The following ZBTB17 variants were observed in gnomAD, a reference collection of about 807,000 sequenced individuals.
ZBTB17 encodes zinc finger and BTB domain-containing protein 17.
In ZBTB17, 24 loss-of-function variants were observed where a neutral mutation model predicts 85.1. The observed-to-expected ratio is 0.28, with a 90% CI of 0.20 to 0.40. The LOEUF is 0.40. Ranked by LOEUF, ZBTB17 falls within the 10% of genes least tolerant of loss-of-function variation. ZBTB17 has a pLI of 1.00. For missense variants in ZBTB17, 743 were observed against 1,105.1 expected, an observed-to-expected ratio of 0.67 and a Z score of 4.65; for synonymous variants, 464 against 460.2, an observed-to-expected ratio of 1.01 and a Z score of -0.11.
intron 2 of ZBTB17, among the ~76,000 whole-genome samples, chr1:15,950,563 G>A (rs2071796455): frequency 6.6e-6 from 1 of 152,182 alleles, no homozygotes; most frequent in Admixed American, 6.5e-5. Flanking sequence ...GCCCACACAG[G>A]GCAAAATCCT....
At chr1:15,969,099 C>G (rs914560192) in intron 2 of ZBTB17, among the ~76,000 whole-genome samples, 1 of 152,186 alleles carries the variant, frequency 6.6e-6, no homozygotes. Flanking sequence ...CCTGTCAGAT[C>G]AGCAGCAGCA....
intron 2 of ZBTB17, among the ~76,000 whole-genome samples, chr1:15,963,246 G>A (rs1365070301): frequency 6.6e-6 from 1 of 152,102 alleles, no homozygotes; most frequent in African/African-American, 2.4e-5. Flanking sequence ...AAGGTGCCCT[G>A]GCCAATTCTC....
In ZBTB17 at chr1:15,947,086, C is replaced by G. The variant is rs1570120799; in HGVS notation, c.243G>C (p.Lys81Asn). 1 of 1,613,908 alleles carries G rather than the reference C, an allele frequency of 6.2e-7. No individual in the cohort carries two copies. The highest frequency in any genetic ancestry group is 2.2e-5 in the East Asian group (1 of 44,886). The change falls in exon 4 of 16, where the codon AAG becomes AAC. Residue 81 changes from lysine (K) to asparagine (N), a missense_variant. Lys to Asn is a moderately conservative substitution (Grantham distance 94). Transcript: ENST00000375743. ...CCACGTTCTCAGGGCTCAGGCTCAG[C>G]TTGGCCGTGTACATAAACTCCAGCA... Reference protein sequence around the residue: ...GQVLEFMYTAKLSLSPENVDD... With the variant: ...GQVLEFMYTANLSLSPENVDD...
At chr1:15,965,669 A>G (rs2072418078) in intron 2 of ZBTB17, among the ~76,000 whole-genome samples, 1 of 152,234 alleles carries the variant, frequency 6.6e-6, no homozygotes, top group African/African-American at 2.4e-5. Context: ...AACAACCCAA[A>G]TGTCCACCAG....
chr1:15,945,582 A>G (rs978712050), intron 6 of ZBTB17, 133 bp downstream of exon 6: 24 of 1,333,714 alleles, frequency 1.8e-5, no homozygotes, highest in Non-Finnish European at 2.4e-5. Context: ...AAGGTGTCCC[A>G]AAGCTGAAGT....
chr1:15,969,909 G>A (rs2072583356), intron 2 of ZBTB17: 1 of 638,396 alleles, frequency 1.6e-6, no homozygotes, highest in Non-Finnish European at 2.9e-6. Context: ...TAGGACTCTG[G>A]AGTCAGGTGT....
chr1:15,949,726 C>G (rs531890420), intron 2 of ZBTB17, among the ~76,000 whole-genome samples: 1 of 152,368 alleles, frequency 6.6e-6, no homozygotes, highest in South Asian at 2.1e-4. Context: ...AGCTCTGAAG[C>G]TGCTGTGGCC....
intron 2 of ZBTB17, among the ~76,000 whole-genome samples, chr1:15,971,899 T>TA (rs59695916): frequency 1.3e-5 from 2 of 151,138 alleles, no homozygotes; most frequent in Non-Finnish European, 3.0e-5. Flanking sequence ...TTTTTTTTTT[T>TA]AACTCTTTGG....
chr1:15,949,380 C>T (rs547149389), intron 2 of ZBTB17, among the ~76,000 whole-genome samples: 1 of 152,328 alleles, frequency 6.6e-6, no homozygotes, highest in East Asian at 1.9e-4. Flanking sequence ...TCAACATCAG[C>T]AATTGTCTAG....
chr1:15,973,634 T>C lies in ZBTB17; in HGVS notation c.-89-509A>G, dbSNP rs1471386156. On this transcript the variant is annotated intron_variant, in intron 1 of 15. Transcript: ENST00000375743. This position sits in a 1 kb window ranked among gnomAD's most constrained non-coding sequence, Gnocchi z 4.1. ...CCTCCCCCAGATCTGCTCCCCGTAC[T>C]GCTCCCTATCACATGGAGCAGCATC... 1.3e-5 allele frequency among the ~76,000 whole-genome samples: 2 copies of C among 152,188 alleles called. No individual in the cohort carries two copies. Among genetic ancestry groups the C allele is most frequent in the Admixed American group, 6.5e-5 (1 of 15,278 alleles).
intron 1 of ZBTB17, among the ~76,000 whole-genome samples, chr1:15,975,693 G>A (rs1557803774): frequency 2.6e-5 from 4 of 152,106 alleles, no homozygotes. Flanking sequence ...CGGCGGGGGC[G>A]GAGATGCTAC....
intron 9 of ZBTB17, 184 bp from the exon 10 acceptor site, chr1:15,944,079 T>G: frequency 1.0e-6 from 1 of 986,854 alleles, no homozygotes; most frequent in Non-Finnish European, 1.6e-6. Flanking sequence ...CCCACCCCAT[T>G]TTTTCAGGAC....
At chr1:15,958,363 T>C (rs1570166565) in intron 2 of ZBTB17, among the ~76,000 whole-genome samples, 1 of 135,136 alleles carries the variant, frequency 7.4e-6, no homozygotes, top group Non-Finnish European at 1.5e-5. Flanking sequence ...GCCAAAGCCT[T>C]GGGAAGGCGG....
At chr1:15,968,114 G>C (rs2148811687) in intron 2 of ZBTB17, among the ~76,000 whole-genome samples, 1 of 152,256 alleles carries the variant, frequency 6.6e-6, no homozygotes, top group African/African-American at 2.4e-5. Context: ...GAAGTGTCAA[G>C]GTTGAGAAAC....
intron 3 of ZBTB17, chr1:15,947,378 A>T: frequency 2.0e-6 from 1 of 498,136 alleles, no homozygotes; most frequent in Non-Finnish European, 3.6e-6. Flanking sequence ...GTGAACGCCC[A>T]CCCTGCACAG....
intron 2 of ZBTB17, among the ~76,000 whole-genome samples, chr1:15,961,215 T>A (rs908415199): frequency 6.6e-6 from 1 of 152,236 alleles, no homozygotes; most frequent in Non-Finnish European, 1.5e-5. Flanking sequence ...GTGTGACAAT[T>A]AAAATGAGGC....
Position 15,946,210 on chromosome 1 carries a change from C to T in ZBTB17, c.479G>A (p.Gly160Asp). ...CTCCTCCTTGAGGTCCCTGCTGGGGCCTATGGGTGTGCTGCGTCCTGCCTG... is the reference window on the plus strand; with the variant it reads ...CTCCTCCTTGAGGTCCCTGCTGGGGTCTATGGGTGTGCTGCGTCCTGCCTG... ...LEQAGRSTPI[G>D]PSRDLKEERG... is the part of the protein sequence containing the mutation. The change falls in exon 5 of 16, where the codon GGC becomes GAC. Residue 160 changes from glycine (G) to aspartate (D), a missense_variant. Physicochemically the swap from Gly to Asp is moderately conservative, Grantham distance 94. This residue lies in a region of ZBTB17 where 279 missense variants were observed against 269.9 expected (regional missense o/e 1.03). Coordinates refer to ENST00000375743, the MANE Select transcript of ZBTB17 (RefSeq NM_003443.3). 1 of 1,613,254 alleles carries T rather than the reference C, an allele frequency of 6.2e-7. No individual in the cohort carries two copies. Among genetic ancestry groups the T allele is most frequent in the East Asian group, 2.2e-5 (1 of 44,884 alleles).
At chr1:15,946,501 A>G (rs982477481) in intron 4 of ZBTB17, among the ~76,000 whole-genome samples, 1 of 152,220 alleles carries the variant, frequency 6.6e-6, no homozygotes, top group Admixed American at 6.5e-5. Flanking sequence ...TACAACAGTG[A>G]TGGTTCCTGC....
At position 15,952,121 on chromosome 1, in the gene ZBTB17, A is replaced by G. The variant is rs2071877998; in HGVS notation, c.-2-3624T>C. Among the ~76,000 whole-genome samples, 1 of 152,172 alleles carries G rather than the reference A, an allele frequency of 6.6e-6. No homozygotes were observed. The highest frequency in any genetic ancestry group is 2.4e-5 in the African/African-American group (1 of 41,434). On this transcript the variant is annotated intron_variant, in intron 2 of 15. Transcript: ENST00000375743. This position sits in a 1 kb window ranked among gnomAD's most constrained non-coding sequence, Gnocchi z 4.3. ...TCCTAAAACCTTAGAACCATAGAAA[A>G]TGCCAACAGAACGAGACCACAGAGC... is the stretch of plus-strand genomic sequence containing the variant.
Sources: gnomAD v4.1 joint callset for allele counts (sites outside exome capture counted in the v4.1 genomes callset) on GRCh38, gnomAD v4.1.1 for gene constraint, gnomAD v4.1.1 regional missense constraint, Gnocchi (gnomAD v3.1) non-coding constraint, MANE v1.5 for transcripts, NCBI Gene and HGNC (gene_info 2026-07-23, HGNC 2026-07-21) for gene names.